POLG: variants seen among roughly 807,000 people sequenced by gnomAD.
The protein encoded by POLG is DNA polymerase gamma, catalytic subunit, also known as DNA polymerase subunit gamma-1.
Under a neutral mutation model 155.4 loss-of-function variants are expected in POLG, and 110 were observed. That is an observed-to-expected ratio of 0.71 (90% confidence interval 0.61 to 0.83). POLG has a LOEUF of 0.83. Ranked by LOEUF, POLG falls within the 40% of genes least tolerant of loss-of-function variation. The pLI is 0.00. For missense variants in POLG, 1,685 were observed against 1,627.5 expected (o/e 1.04, Z -0.61); for synonymous variants, 701 against 631.5 (o/e 1.11, Z -1.65).
chr15:89,326,473 A>G, intron 9 of POLG, 139 bp downstream of exon 9: 1 of 946,952 alleles, frequency 1.1e-6, no homozygotes, highest in Non-Finnish European at 1.6e-6. Flanking sequence ...TAGGACTGGA[A>G]GACAGTGTGA....
At chr15:89,328,558 C>A in intron 5 of POLG, 23 bp from the exon 6 acceptor site, 1 of 1,612,064 alleles carries the variant, frequency 6.2e-7, no homozygotes, top group South Asian at 1.1e-5. Context: ...GACAGGAAGG[C>A]GCAAGGTGGG....
At position 89,321,975 on chromosome 15, in the gene POLG, G is replaced by A. The variant is rs757835879; in HGVS notation, c.2467C>T (p.Arg823Cys). ...VVWLPRSALP[R>C]AVIRHPDYDE... ...AGCAGACCATACCTGATCACAGCAC[G>A]GGGCAGAGCTGACCTGGGCAGCCAC... is the stretch of plus-strand genomic sequence containing the variant. Residue 823 changes from arginine to cysteine, a missense_variant, in exon 15 of 23, where the codon CGT (arginine) becomes TGT (cysteine). By Grantham distance (180) the Arg-to-Cys change is radical. Coordinates refer to ENST00000268124, the MANE Select transcript of POLG (RefSeq NM_002693.3). 23 of 1,613,950 alleles carry A rather than the reference G, an allele frequency of 1.4e-5. No individual in the cohort carries two copies. The highest frequency in any genetic ancestry group is 4.0e-5 in the African/African-American group (3 of 74,906).
chr15:89,317,239 T>TG (rs2055301842), intron 22 of POLG, 137 bp downstream of exon 22: 1 of 759,648 alleles, frequency 1.3e-6, no homozygotes, highest in Admixed American at 2.0e-5. Flanking sequence ...GGGCACCTTA[T>TG]AAACTGAAAT....
Position 89,333,701 on chromosome 15 carries a change from C to T in POLG, c.54G>A (p.Pro18=). 6.5e-7 allele frequency: 1 copy of T among 1,540,036 alleles called. No individual in the cohort carries two copies. The highest frequency in any genetic ancestry group is 1.2e-5 in the South Asian group (1 of 84,774). Residue 18 remains proline, a synonymous_variant, in exon 2 of 23, where the codon CCG becomes CCA. Coordinates refer to ENST00000268124, the MANE Select transcript of POLG (RefSeq NM_002693.3). ...AGACCCAGCGCCCCGGAGCTGGAAC[C>T]GGCCCTGGCCCGACGGTGGCGCCGG... ...KVAGATVGPG[P]VPAPGRWVSS... is the part of the protein sequence containing the mutation.
rs2055461577 is a variant in POLG at position 89,325,073 on chromosome 15, T to TGAGTGAGA, written c.1949+376_1949+377insTCTCACTC. Among the ~76,000 whole-genome samples, 7 of 74,370 alleles carry TGAGTGAGA rather than the reference T, an allele frequency of 9.4e-5. 3 individuals carry two copies. The highest frequency in any genetic ancestry group is 4.0e-4 in the African/African-American group (5 of 12,596). The allele number at this position is 74,370 out of a possible 152,430, so 48.8% of individuals were successfully genotyped here. A position where few individuals can be genotyped will look rare whatever the true frequency, so the allele number is the denominator to read the frequency against. ...GTGAGTGAGAGAGTGAGTGAGTGAGTGAGTGAGTGAGAGAGTGAGTGAGTG... is the reference window on the plus strand; with the variant it reads ...GTGAGTGAGAGAGTGAGTGAGTGAGTGAGTGAGAGAGTGAGTGAGAGAGTGAGTGAGTG... On this transcript the variant is annotated intron_variant, in intron 10 of 22. Coordinates refer to ENST00000268124, the MANE Select transcript of POLG (RefSeq NM_002693.3).
At position 89,325,095 on chromosome 15, in the gene POLG, AGT is replaced by A. The variant is rs1455904615; in HGVS notation, c.1949+353_1949+354del. Among the ~76,000 whole-genome samples, 45 of 86,128 alleles carry A rather than the reference AGT, an allele frequency of 5.2e-4. 7 individuals carry two copies. Among genetic ancestry groups the A allele is most frequent in the African/African-American group, 2.7e-3 (37 of 13,706 alleles). 56.5% of individuals were successfully genotyped at this position (86,128 alleles called of 152,430 possible). Reference sequence around the variant, plus strand: ...GAGTGAGTGAGTGAGAGAGTGAGTGAGTGAGAGAGTGAGAGAGAGTGAGTGAG... The same window carrying A: ...GAGTGAGTGAGTGAGAGAGTGAGTGAGAGAGAGTGAGAGAGAGTGAGTGAG... On this transcript the variant is annotated intron_variant, in intron 10 of 22. Coordinates refer to ENST00000268124, the MANE Select transcript of POLG (RefSeq NM_002693.3).
Position 89,327,183 on chromosome 15 carries a change from G to A in POLG, c.1417C>T (p.Leu473=), listed in dbSNP as rs1277465412. ...LMDLANDACQ[L]LSGERYKEDP... is the part of the protein sequence containing the mutation. Reference sequence around the variant, plus strand: ...CCTGGCTACCTCTCTCCTGAGAGCAGCTGGCAGGCATCATTGGCCAGATCC... The same window carrying A: ...CCTGGCTACCTCTCTCCTGAGAGCAACTGGCAGGCATCATTGGCCAGATCC... The change falls in exon 7 of 23, where the codon CTG becomes TTG. Residue 473 remains leucine, a synonymous_variant. Coordinates refer to ENST00000268124, the MANE Select transcript of POLG (RefSeq NM_002693.3). 4 of 1,614,246 alleles carry A rather than the reference G, an allele frequency of 2.5e-6. No individual in the cohort carries two copies. The highest frequency in any genetic ancestry group is 3.4e-6 in the Non-Finnish European group (4 of 1,180,040).
At chr15:89,330,751 A>C (rs905593960) in intron 2 of POLG, among the ~76,000 whole-genome samples, 1 of 114,978 alleles carries the variant, frequency 8.7e-6, no homozygotes, top group African/African-American at 4.2e-5. Flanking sequence ...AAAAATGACA[A>C]ATGCTGCTGC....
intron 17 of POLG, 26 bp from the exon 18 acceptor site, chr15:89,321,038 A>C: frequency 1.9e-6 from 3 of 1,614,110 alleles, no homozygotes; most frequent in African/African-American, 2.7e-5. Flanking sequence ...GAGTGAGAAA[A>C]GCAGCTCAGG....
chr15:89,328,801 T>C lies in POLG; in HGVS notation c.1054A>G (p.Ser352Gly), dbSNP rs1326621426. The change falls in exon 5 of 23, where the codon AGT (serine) becomes GGT (glycine). Residue 352 changes from serine to glycine, a missense_variant. Physicochemically the swap from Ser to Gly is moderately conservative, Grantham distance 56. Coordinates refer to ENST00000268124, the MANE Select transcript of POLG (RefSeq NM_002693.3). Reference sequence around the variant, plus strand: ...TGCACCTCTGCCAGACTGTTGACACTGCTGATGTCCAGCCAGTCCCAGGAT... The same window carrying C: ...TGCACCTCTGCCAGACTGTTGACACCGCTGATGTCCAGCCAGTCCCAGGAT... ...ISSWDWLDISSVNSLAEVHRL... is the reference protein window; with the variant it reads ...ISSWDWLDISGVNSLAEVHRL... The C allele has an allele frequency of 1.9e-6, 3 of 1,614,012 alleles. No individual in the cohort carries two copies. The highest frequency in any genetic ancestry group is 3.3e-5 in the Admixed American group (2 of 60,012).
intron 6 of POLG, 124 bp downstream of exon 6, chr15:89,328,332 T>C: frequency 1.3e-6 from 1 of 768,298 alleles, no homozygotes; most frequent in South Asian, 1.5e-5. Context: ...AAGGGCTCCA[T>C]TCTTTCAGCC....
At position 89,333,118 on chromosome 15, in the gene POLG, C is replaced by T; in HGVS notation, c.637G>A (p.Val213Met). Reference protein sequence around the residue: ...LAEGTCPTLAVAISPSAWYSW... With the variant: ...LAEGTCPTLAMAISPSAWYSW... ...TACCAGGCCGAGGGGGATATGGCCA[C>T]CGCCAATGTGGGGCAAGTTCCCTCT... The change falls in exon 2 of 23, where the codon GTG becomes ATG. Residue 213 changes from valine to methionine, a missense_variant. Coordinates refer to ENST00000268124, the MANE Select transcript of POLG (RefSeq NM_002693.3). 6.6e-7 allele frequency: 1 copy of T among 1,522,772 alleles called. No individual in the cohort carries two copies. Among genetic ancestry groups the T allele is most frequent in the Non-Finnish European group, 8.8e-7 (1 of 1,135,336 alleles). 94.3% of individuals were successfully genotyped at this position (1,522,772 alleles called of 1,614,324 possible).
chr15:89,327,097 CTAAGCCGAA>C, intron 7 of POLG, 34 bp from the exon 8 acceptor site: 1 of 1,614,232 alleles, frequency 6.2e-7, no homozygotes, highest in Non-Finnish European at 8.5e-7. Context: ...AGGGCTAAGG[CTAAGCCGAA>C]GGCTAGGCCG....
At position 89,316,599 on chromosome 15, in the gene POLG, TA is replaced by T; in HGVS notation, c.*151del. On this transcript the variant is annotated 3_prime_UTR_variant, in exon 23 of 23. Transcript: ENST00000268124. ...CACTGAATTCAACTGCACCTTCAGT[TA>T]GAAGGAATCTTCTTGGCAGGTCCTG... is the stretch of plus-strand genomic sequence containing the variant. 1 of 1,107,852 alleles carries T rather than the reference TA, an allele frequency of 9.0e-7. No individual in the cohort carries two copies. The highest frequency in any genetic ancestry group is 1.4e-6 in the Non-Finnish European group (1 of 737,772). 68.6% of individuals were successfully genotyped at this position (1,107,852 alleles called of 1,614,324 possible). A position where few individuals can be genotyped will look rare whatever the true frequency, so the allele number is the denominator to read the frequency against.
intron 13 of POLG, 44 bp from the exon 14 acceptor site, chr15:89,322,946 C>T: frequency 6.2e-7 from 1 of 1,600,358 alleles, no homozygotes; most frequent in East Asian, 2.2e-5. Flanking sequence ...AGGTGGCAGA[C>T]CCCTGGGTGG....
Position 89,326,725 on chromosome 15 carries a change from G to C in POLG, c.1599C>G (p.Cys533Trp), listed in dbSNP as rs754246294. The change falls in exon 9 of 23, where the codon TGC becomes TGG. Residue 533 changes from cysteine (C) to tryptophan (W), a missense_variant. By Grantham distance (215) the Cys-to-Trp change is radical. Around this residue, in one of 3 missense-constraint regions of POLG, gnomAD observed 1,210 missense variants for 1,167.1 expected, o/e 1.04. Coordinates refer to ENST00000268124, the MANE Select transcript of POLG (RefSeq NM_002693.3). The part of the protein sequence containing the change: ...DPMDQEDLGP[C>W]SEEEEFQQDV... ...CTTGTTGAAACTCCTCCTCCTCACTGCAGGGGCCGAGGTCTGTGAGGGTGG... is the reference window on the plus strand; with the variant it reads ...CTTGTTGAAACTCCTCCTCCTCACTCCAGGGGCCGAGGTCTGTGAGGGTGG... 14 of 1,614,076 alleles carry C rather than the reference G, an allele frequency of 8.7e-6. No homozygotes were observed. The highest frequency in any genetic ancestry group is 8.5e-7 in the Non-Finnish European group (1 of 1,180,032).
At chr15:89,324,258 C>T in intron 10 of POLG, 31 bp from the exon 11 acceptor site, 1 of 1,608,908 alleles carries the variant, frequency 6.2e-7, no homozygotes. Context: ...GCAGCAGCCG[C>T]TGATTACCAG....
chr15:89,329,077 T>C lies in POLG; in HGVS notation c.889A>G (p.Met297Val), dbSNP rs1465276537. The C allele has an allele frequency of 1.9e-6, 3 of 1,612,678 alleles. No homozygotes were observed. In the African/African-American group the frequency reaches 4.0e-5, roughly 22 times the overall value. Reference protein sequence around the residue: ...SRMRFLDTMSMHMAISGLSSF... With the variant: ...SRMRFLDTMSVHMAISGLSSF... ...CTTAGCCCTGAGATGGCCATGTGCA[T>C]GCTCATGGTGTCCAGGAAACGCATG... The change falls in exon 4 of 23, where the codon ATG (methionine) becomes GTG (valine). Residue 297 changes from methionine (M) to valine (V), a missense_variant. Met to Val is a conservative substitution (Grantham distance 21). Around this residue, in one of 3 missense-constraint regions of POLG, gnomAD observed 1,210 missense variants for 1,167.1 expected, o/e 1.04. Transcript: ENST00000268124.
At position 89,326,833 on chromosome 15, in the gene POLG, T is replaced by C. The variant is rs769778765; in HGVS notation, c.1585+79A>G. 4 of 1,610,132 alleles carry C rather than the reference T, an allele frequency of 2.5e-6. No homozygotes were observed. The South Asian group carries it at 4.4e-5, about 18-fold the overall frequency. On this transcript the variant is annotated intron_variant, in intron 8 of 22. Coordinates refer to ENST00000268124, the MANE Select transcript of POLG (RefSeq NM_002693.3). The stretch of plus-strand genomic sequence containing the variant: ...CATCTCCAGAAGGCTGGAGCAATCC[T>C]TTCGAAGGACCCCCTCAATCACAGG...
Sources: gnomAD v4.1 joint callset for allele counts (sites outside exome capture counted in the v4.1 genomes callset) on GRCh38, gnomAD v4.1.1 for gene constraint, gnomAD v4.1.1 regional missense constraint, MANE v1.5 for transcripts, NCBI Gene and HGNC (gene_info 2026-07-23, HGNC 2026-07-21) for gene names.